The following GRM7 variants were observed in gnomAD, a reference collection of about 807,000 sequenced individuals.
The protein encoded by GRM7 is metabotropic glutamate receptor 7.
A neutral mutation model predicts 84.5 loss-of-function variants in GRM7; 35 were observed. The observed-to-expected ratio is 0.41, with a 90% CI of 0.32 to 0.55. The LOEUF is 0.55. GRM7 is among the 20% of genes least tolerant of loss of function. The probability of loss-of-function intolerance (pLI) is 0.19; values close to 1 mark genes in which losing one functional copy is unlikely to be tolerated. For synonymous variants in GRM7, 487 were observed against 455.1 expected, an observed-to-expected ratio of 1.07 and a Z score of -0.89; for missense variants, 1,003 against 1,194.6, an observed-to-expected ratio of 0.84 and a Z score of 2.36.
Position 7,093,676 on chromosome 3 carries a change from C to CAAAAA in GRM7, c.520-52742_520-52738dup, listed in dbSNP as rs1209938099. On this transcript the variant is annotated intron_variant, in intron 1 of 9. Coordinates refer to ENST00000357716, the MANE Select transcript of GRM7 (RefSeq NM_000844.4). ...TGGGCGATAGAGCAAGACTCTGTCTCAAAAAAAAAAAAAAAAAAAAAAAAA... is the reference window on the plus strand; with the variant it reads ...TGGGCGATAGAGCAAGACTCTGTCTCAAAAAAAAAAAAAAAAAAAAAAAAAAAAAA... 5.2e-3 allele frequency among the ~76,000 whole-genome samples: 72 copies of CAAAAA among 13,952 alleles called. 24 individuals are homozygous for CAAAAA. The highest frequency in any genetic ancestry group is 0.024 in the Admixed American group (14 of 580). 9.2% of individuals were successfully genotyped at this position (13,952 alleles called of 152,430 possible). A position where few individuals can be genotyped will look rare whatever the true frequency, so the allele number is the denominator to read the frequency against.
At chr3:7,393,194 G>A (rs1164510283) in intron 4 of GRM7, among the ~76,000 whole-genome samples, 2 of 152,022 alleles carry the variant, frequency 1.3e-5, no homozygotes, top group Non-Finnish European at 2.9e-5. Flanking sequence ...GTCTCTCCTC[G>A]GGGCAGTGCA....
At chr3:7,262,720 G>T (rs184124813) in intron 2 of GRM7, among the ~76,000 whole-genome samples, 115 of 66,644 alleles carry the variant, frequency 1.7e-3, no homozygotes, top group African/African-American at 6.7e-3. Context: ...TGTTTGAGAT[G>T]GAGTCTCGCT....
At chr3:7,142,199 G>T (rs1437952236) in intron 1 of GRM7, among the ~76,000 whole-genome samples, 1 of 151,846 alleles carries the variant, frequency 6.6e-6, no homozygotes. Context: ...AGGATGGAAG[G>T]AAGGGAAGGG....
intron 8 of GRM7, among the ~76,000 whole-genome samples, chr3:7,663,465 A>T (rs1002796497): frequency 6.6e-6 from 1 of 152,200 alleles, no homozygotes; most frequent in East Asian, 1.9e-4. Context: ...ATCTGCACCA[A>T]TAGATCCCTC....
At chr3:6,963,761 G>C (rs969297135) in intron 1 of GRM7, among the ~76,000 whole-genome samples, 2 of 152,074 alleles carry the variant, frequency 1.3e-5, no homozygotes, top group Admixed American at 1.3e-4. Context: ...TAAAATAGTG[G>C]TGTGACTTAC....
At chr3:6,931,053 G>T (rs1007957902) in intron 1 of GRM7, among the ~76,000 whole-genome samples, 1 of 152,106 alleles carries the variant, frequency 6.6e-6, no homozygotes, top group Non-Finnish European at 1.5e-5. Flanking sequence ...GCCAGGCTTT[G>T]TATCCATTTA....
At chr3:7,414,814 C>T (rs948070564) in intron 4 of GRM7, among the ~76,000 whole-genome samples, 3 of 151,976 alleles carry the variant, frequency 2.0e-5, no homozygotes, top group South Asian at 4.1e-4. Flanking sequence ...CTAGTAACTA[C>T]CTACCTGTCA....
intron 2 of GRM7, among the ~76,000 whole-genome samples, chr3:7,190,484 A>C (rs1162519858): frequency 1.3e-5 from 2 of 152,074 alleles, no homozygotes; most frequent in East Asian, 3.9e-4. Context: ...GGAGATTCTA[A>C]AGTCCTCTGT....
chr3:7,551,970 G>A (rs940311425), intron 7 of GRM7, among the ~76,000 whole-genome samples: 5 of 152,202 alleles, frequency 3.3e-5, no homozygotes, highest in Non-Finnish European at 7.3e-5. Flanking sequence ...TGGCAGGAAA[G>A]AGAAGTGCTG....
At chr3:7,423,911 C>T (rs1559311958) in intron 5 of GRM7, among the ~76,000 whole-genome samples, 2 of 151,884 alleles carry the variant, frequency 1.3e-5, no homozygotes, top group African/African-American at 2.4e-5. Context: ...TATTGTTTAC[C>T]ATCCTGGGCA....
intron 2 of GRM7, among the ~76,000 whole-genome samples, chr3:7,183,873 A>C (rs559469672): frequency 6.6e-6 from 1 of 152,302 alleles, no homozygotes; most frequent in African/African-American, 2.4e-5. Context: ...AAAACATTGA[A>C]GAAATCTTCA....
chr3:7,249,406 TAAG>T (rs1208629395), intron 2 of GRM7, among the ~76,000 whole-genome samples: 1 of 152,174 alleles, frequency 6.6e-6, no homozygotes, highest in Non-Finnish European at 1.5e-5. Context: ...TGAAGGTAAA[TAAG>T]AAGGAAGAGT....
At chr3:6,970,261 A>C (rs946318219) in intron 1 of GRM7, among the ~76,000 whole-genome samples, 2 of 152,190 alleles carry the variant, frequency 1.3e-5, no homozygotes, top group African/African-American at 2.4e-5. Flanking sequence ...AAGTGTCTGC[A>C]GTATAATTAG....
chr3:7,428,904 G>A (rs917679685), intron 5 of GRM7, among the ~76,000 whole-genome samples: 1 of 152,136 alleles, frequency 6.6e-6, no homozygotes, highest in Non-Finnish European at 1.5e-5. Context: ...ATCGTTTGCA[G>A]AAATTTCACT....
chr3:7,377,916 T>C (rs1694423054), intron 4 of GRM7, among the ~76,000 whole-genome samples: 1 of 152,300 alleles, frequency 6.6e-6, no homozygotes, highest in East Asian at 1.9e-4. Flanking sequence ...CCCTGATCTT[T>C]CCATGTATCT....
At chr3:6,982,857 T>G (rs552633056) in intron 1 of GRM7, among the ~76,000 whole-genome samples, 6 of 152,326 alleles carry the variant, frequency 3.9e-5, no homozygotes, top group African/African-American at 1.4e-4. Context: ...TAAAGATACA[T>G]CAGTTAGTTT....
At position 7,402,500 on chromosome 3, in the gene GRM7, G is replaced by C. The variant is rs563447076; in HGVS notation, c.1034-12523G>C. Among the ~76,000 whole-genome samples the C allele has an allele frequency of 1.2e-4, 19 of 152,150 alleles. No individual in the cohort carries two copies. The East Asian group carries it at 3.3e-3, about 26-fold the overall frequency. On this transcript the variant is annotated intron_variant, in intron 4 of 9. Transcript: ENST00000357716. ...ATCCTGCATGAAGACATTTGTTTACGAGCCATCTATTCTCATTTTTACACT... is the reference window on the plus strand; with the variant it reads ...ATCCTGCATGAAGACATTTGTTTACCAGCCATCTATTCTCATTTTTACACT...
At position 7,200,567 on chromosome 3, in the gene GRM7, C is replaced by G. The variant is rs192097675; in HGVS notation, c.736+53899C>G. Among the ~76,000 whole-genome samples, 6 of 152,280 alleles carry G rather than the reference C, an allele frequency of 3.9e-5. No homozygotes were observed. In the East Asian group the frequency reaches 1.2e-3, roughly 29 times the overall value. On this transcript the variant is annotated intron_variant, in intron 2 of 9. Transcript: ENST00000357716. ...CCTTGGATCATTCTTGGCTCTTGAG[C>G]AGTAGTTGTCAAGCTTTAGCATGCA...
chr3:7,709,865 G>A (rs1299567020), intron 9 of GRM7, among the ~76,000 whole-genome samples: 1 of 152,142 alleles, frequency 6.6e-6, no homozygotes, highest in East Asian at 1.9e-4. Flanking sequence ...TGCCAGTGGA[G>A]ACAGATGATT....
Sources: gnomAD v4.1 joint callset for allele counts (sites outside exome capture counted in the v4.1 genomes callset) on GRCh38, gnomAD v4.1.1 for gene constraint, MANE v1.5 for transcripts, NCBI Gene and HGNC (gene_info 2026-07-23, HGNC 2026-07-21) for gene names.